The following XKR6 variants were observed in gnomAD, a reference collection of about 807,000 sequenced individuals.
The protein encoded by XKR6 is XK-related protein 6.
Under a neutral mutation model 56.7 loss-of-function variants are expected in XKR6, and 22 were observed. The ratio of observed to expected loss-of-function variants is 0.39; its 90% CI spans 0.28 to 0.55. The LOEUF is 0.55. XKR6 is among the 20% of genes least tolerant of loss of function. The pLI, the probability that XKR6 is intolerant of heterozygous loss-of-function variation, is 0.66. For synonymous variants in XKR6, 524 were observed against 387.8 expected (o/e 1.35, Z -4.13); for missense variants, 852 against 889.0 (o/e 0.96, Z 0.53).
intron 1 of XKR6, among the ~76,000 whole-genome samples, chr8:11,086,987 G>A (rs967415235): frequency 5.9e-5 from 9 of 152,182 alleles, no homozygotes. Context: ...GCTGAGATGG[G>A]CCCCATGAAA....
At chr8:10,978,050 C>T (rs1004953953) in intron 1 of XKR6, among the ~76,000 whole-genome samples, 5 of 151,978 alleles carry the variant, frequency 3.3e-5, no homozygotes, top group African/African-American at 1.2e-4. Flanking sequence ...AGCCTCCTTC[C>T]CATTTCATCA....
chr8:11,200,935 C>G lies in XKR6; in HGVS notation c.405G>C (p.Ala135=), dbSNP rs1439647263. 11 of 1,604,178 alleles carry G rather than the reference C, an allele frequency of 6.9e-6. No individual in the cohort carries two copies. Among genetic ancestry groups the G allele is most frequent in the African/African-American group, 1.3e-5 (1 of 74,164 alleles). The change falls in exon 1 of 3, where the codon GCG becomes GCC. Residue 135 remains alanine (A), a synonymous_variant. Transcript: ENST00000416569. This position sits in a 1 kb window ranked among gnomAD's most constrained non-coding sequence, Gnocchi z 6.4. The part of the protein sequence containing the change: ...PWLDCLWIVL[A]LLVFFGDVGT... ...CCACGTCCCCGAAGAACACCAGCAGCGCCAGCACGATCCACAGGCAGTCGA... is the reference window on the plus strand; with the variant it reads ...CCACGTCCCCGAAGAACACCAGCAGGGCCAGCACGATCCACAGGCAGTCGA...
rs144356457 is a variant in XKR6, at chr8:11,002,276, A to G, written c.765-77446T>C. ...CCATGGCACACTTTCCTTGTATTGT[A>G]AAGACTGTGTTCATCTTTAATCAGA... is the stretch of plus-strand genomic sequence containing the variant. On this transcript the variant is annotated intron_variant, in intron 1 of 2. Transcript: ENST00000416569. 430 of 183,516 alleles carry G rather than the reference A, an allele frequency of 2.3e-3. 2 individuals carry two copies. Among genetic ancestry groups the G allele is most frequent in the Admixed American group, 4.8e-3 (76 of 15,960 alleles). The allele number at this position is 183,516 out of a possible 1,614,324, so 11.4% of individuals were successfully genotyped here. A position where few individuals can be genotyped will look rare whatever the true frequency, so the allele number is the denominator to read the frequency against.
chr8:10,994,799 C>G (rs76111798), intron 1 of XKR6, among the ~76,000 whole-genome samples: 5,251 of 152,216 alleles, frequency 0.034, 297 homozygotes, highest in African/African-American at 0.12. Context: ...AACAATACAG[C>G]CAGAATGCAA....
At chr8:11,044,539 T>C (rs940259381) in intron 1 of XKR6, among the ~76,000 whole-genome samples, 2 of 152,196 alleles carry the variant, frequency 1.3e-5, no homozygotes, top group Non-Finnish European at 2.9e-5. Flanking sequence ...AAGGTCAGCA[T>C]GAAGTGTACT....
intron 1 of XKR6, among the ~76,000 whole-genome samples, chr8:10,958,957 A>G (rs1379863084): frequency 6.6e-6 from 1 of 152,212 alleles, no homozygotes; most frequent in Non-Finnish European, 1.5e-5. Flanking sequence ...CTACAGCTGC[A>G]TTTCAACAGG....
intron 1 of XKR6, among the ~76,000 whole-genome samples, chr8:10,940,247 C>A (rs952531963): frequency 6.6e-6 from 1 of 152,212 alleles, no homozygotes; most frequent in Non-Finnish European, 1.5e-5. Flanking sequence ...TGAGCAGGAA[C>A]AAAGCAGGTC....
At chr8:11,185,076 A>C (rs1041925598) in intron 1 of XKR6, among the ~76,000 whole-genome samples, 1 of 152,052 alleles carries the variant, frequency 6.6e-6, no homozygotes, top group Non-Finnish European at 1.5e-5. Context: ...TTATTAACGC[A>C]TTTACCTGGT....
intron 1 of XKR6, among the ~76,000 whole-genome samples, chr8:11,150,827 T>G (rs1476671774): frequency 7.7e-6 from 1 of 129,644 alleles, no homozygotes; most frequent in Non-Finnish European, 1.5e-5. Context: ...CACTCCAGCC[T>G]GGGTGACAGA....
chr8:10,992,768 C>T (rs1010342789), intron 1 of XKR6, among the ~76,000 whole-genome samples: 1 of 152,126 alleles, frequency 6.6e-6, no homozygotes, highest in African/African-American at 2.4e-5. Context: ...CTCCAAGAGA[C>T]AAGTGATGCT....
intron 1 of XKR6, chr8:11,106,199 C>T (rs1436197220): frequency 6.6e-6 from 1 of 152,114 alleles, no homozygotes; most frequent in Non-Finnish European, 1.5e-5. Context: ...AATGAGGGTT[C>T]AATGCAGGTT....
At chr8:11,032,950 G>A (rs1799027471) in intron 1 of XKR6, among the ~76,000 whole-genome samples, 1 of 152,158 alleles carries the variant, frequency 6.6e-6, no homozygotes, top group Non-Finnish European at 1.5e-5. Flanking sequence ...CGATGATGAT[G>A]GTACCGATGG....
chr8:11,035,148 A>G, intron 1 of XKR6: 1 of 530,126 alleles, frequency 1.9e-6, no homozygotes, highest in East Asian at 5.5e-5. Flanking sequence ...AAGACAAACT[A>G]TGACAAACAG....
chr8:10,965,077 GGGCTCTCAGCTTAGGAAACCATATTGC>G (rs1802177555), intron 1 of XKR6, among the ~76,000 whole-genome samples: 1 of 152,232 alleles, frequency 6.6e-6, no homozygotes, highest in Admixed American at 6.5e-5. Flanking sequence ...CCTGCTTGTT[GGGCTCTCAGCTTAGGAAACCATATTGC>G]CAAGGCCCCA....
At chr8:11,194,123 T>C (rs562487261) in intron 1 of XKR6, among the ~76,000 whole-genome samples, 2 of 152,336 alleles carry the variant, frequency 1.3e-5, no homozygotes, top group East Asian at 3.9e-4. Context: ...ACACTTGCTT[T>C]AAAAATAGAT....
intron 1 of XKR6, among the ~76,000 whole-genome samples, chr8:10,993,969 C>T (rs1435477488): frequency 6.6e-6 from 1 of 152,214 alleles, no homozygotes; most frequent in East Asian, 1.9e-4. Flanking sequence ...CCCACCAAGC[C>T]TTGCTCTGCC....
In XKR6 at chr8:11,171,544, A is replaced by G. The variant is rs371118497; in HGVS notation, c.764+29032T>C. 1.1e-3 allele frequency among the ~76,000 whole-genome samples: 174 copies of G among 152,270 alleles called. 2 individuals carry two copies. Among genetic ancestry groups the G allele is most frequent in the African/African-American group, 4.1e-3 (171 of 41,554 alleles). ...GTATAGGGAGTTAATTCTTACTCTT[A>G]GTCCCCACGGGAGCTGGTTGTTAAA... On this transcript the variant is annotated intron_variant, in intron 1 of 2. Transcript: ENST00000416569.
intron 1 of XKR6, among the ~76,000 whole-genome samples, chr8:11,013,451 G>C (rs1798545015): frequency 6.6e-6 from 1 of 152,202 alleles, no homozygotes; most frequent in African/African-American, 2.4e-5. Context: ...ATATGTGTTA[G>C]GTTTCCCCAG....
intron 1 of XKR6, among the ~76,000 whole-genome samples, chr8:11,116,559 C>T (rs570240680): frequency 1.1e-3 from 163 of 152,176 alleles, no homozygotes; most frequent in African/African-American, 3.8e-3. Context: ...TTAGTAGAGA[C>T]GGGGTTTCTC....
Sources: allele counts gnomAD v4.1 joint callset (sites outside exome capture counted in the v4.1 genomes callset), GRCh38; gene constraint gnomAD v4.1.1; non-coding constraint Gnocchi (gnomAD v3.1); transcripts MANE v1.5; gene names NCBI Gene and HGNC (gene_info 2026-07-23, HGNC 2026-07-21).